DCC: variants seen among roughly 807,000 people sequenced by gnomAD.
DCC encodes the protein DCC netrin 1 receptor.
In DCC, 58 loss-of-function variants were observed where a neutral mutation model predicts 172.5. The ratio of observed to expected loss-of-function variants is 0.34; its 90% CI spans 0.27 to 0.42. The LOEUF (loss-of-function observed/expected upper bound fraction) is 0.42, where lower values mean the gene tolerates loss of function less well. DCC is among the 10% of genes least tolerant of loss of function. The pLI is 1.00. For missense variants in DCC, 1,740 were observed against 1,791.0 expected (o/e 0.97, Z 0.51); for synonymous variants, 709 against 644.5 (o/e 1.10, Z -1.52).
Position 52,932,835 on chromosome 18 carries a change from A to AAT in DCC, c.985+7465_985+7466insAT, listed in dbSNP as rs772577222. ...ATATACATATATATGCAATACATGCACTTACTCTCTATTTCTAAAGTTTCC... is the reference window on the plus strand; with the variant it reads ...ATATACATATATATGCAATACATGCAATCTTACTCTCTATTTCTAAAGTTTCC... On this transcript the variant is annotated intron_variant, in intron 5 of 28. Coordinates refer to ENST00000442544, the MANE Select transcript of DCC (RefSeq NM_005215.4). Among the ~76,000 whole-genome samples the AAT allele has an allele frequency of 2.0e-3, 310 of 152,242 alleles. 1 individual carries two copies. The highest frequency in any genetic ancestry group is 3.4e-3 in the Non-Finnish European group (229 of 67,990).
chr18:53,163,613 A>G (rs1463345952), intron 8 of DCC, among the ~76,000 whole-genome samples: 1 of 151,842 alleles, frequency 6.6e-6, no homozygotes, highest in East Asian at 1.9e-4. Context: ...TGGTGTAGAT[A>G]ATGCAAGTGC....
intron 2 of DCC, among the ~76,000 whole-genome samples, chr18:52,814,323 A>AGAATTTT (rs2038252163): frequency 6.6e-6 from 1 of 151,976 alleles, no homozygotes; most frequent in Non-Finnish European, 1.5e-5. Context: ...CAGTAGCCTG[A>AGAATTTT]CTCCTGGAGA....
At chr18:53,419,783 G>T (rs1161915853) in intron 21 of DCC, among the ~76,000 whole-genome samples, 1 of 151,948 alleles carries the variant, frequency 6.6e-6, no homozygotes, top group East Asian at 1.9e-4. Context: ...CTAGTAAGTA[G>T]AAAGGCCATA....
intron 12 of DCC, among the ~76,000 whole-genome samples, chr18:53,248,160 CCTGCTCTTGTCTT>C (rs2144652001): frequency 6.6e-6 from 1 of 152,100 alleles, no homozygotes; most frequent in Non-Finnish European, 1.5e-5. Context: ...TAACAGCCAT[CCTGCTCTTGTCTT>C]TCCTAACAGC....
intron 5 of DCC, among the ~76,000 whole-genome samples, chr18:52,984,601 T>A (rs2041263016): frequency 6.6e-6 from 1 of 152,152 alleles, no homozygotes; most frequent in South Asian, 2.1e-4. Flanking sequence ...AGCCTTCAAC[T>A]TTTATTATAT....
intron 1 of DCC, among the ~76,000 whole-genome samples, chr18:52,619,364 A>G (rs1598962262): frequency 2.6e-5 from 4 of 152,210 alleles, no homozygotes; most frequent in Non-Finnish European, 5.9e-5. Flanking sequence ...TGATTTGATC[A>G]TATTCCTTTT....
chr18:53,351,472 A>ATATATATACACAGTG lies in DCC; in HGVS notation c.2359+11573_2359+11574insCACAGTGTATATATA, dbSNP rs1568075573. ...ATATATATATACACAGTGTGTATAT[A>ATATATATACACAGTG]TATATATATATATATATAGTGTGTA... On this transcript the variant is annotated intron_variant, in intron 15 of 28. Coordinates refer to ENST00000442544, the MANE Select transcript of DCC (RefSeq NM_005215.4). 4.8e-4 allele frequency among the ~76,000 whole-genome samples: 29 copies of ATATATATACACAGTG among 59,850 alleles called. 1 individual carries two copies. The highest frequency in any genetic ancestry group is 2.1e-3 in the African/African-American group (27 of 13,142). The allele number at this position is 59,850 out of a possible 152,430, so 39.3% of individuals were successfully genotyped here.
At chr18:53,359,397 T>A (rs1386794686) in intron 15 of DCC, among the ~76,000 whole-genome samples, 2 of 152,178 alleles carry the variant, frequency 1.3e-5, no homozygotes, top group African/African-American at 4.8e-5. Context: ...TGCTTTTTTG[T>A]TTGTTTTAGC....
intron 15 of DCC, among the ~76,000 whole-genome samples, chr18:53,353,116 A>G (rs2057831843): frequency 6.6e-6 from 1 of 152,094 alleles, no homozygotes; most frequent in African/African-American, 2.4e-5. Context: ...CGTTTCTACT[A>G]AAAATACAAA....
At chr18:52,689,797 G>A (rs999890249) in intron 1 of DCC, among the ~76,000 whole-genome samples, 1 of 152,118 alleles carries the variant, frequency 6.6e-6, no homozygotes, top group African/African-American at 2.4e-5. Flanking sequence ...AATCACTTAT[G>A]TATGCATAAT....
At chr18:52,972,309 G>A (rs1468013433) in intron 5 of DCC, among the ~76,000 whole-genome samples, 5 of 152,060 alleles carry the variant, frequency 3.3e-5, no homozygotes, top group Non-Finnish European at 7.4e-5. Flanking sequence ...TGCCTTGGGT[G>A]GATTTGTGTA....
intron 1 of DCC, among the ~76,000 whole-genome samples, chr18:52,392,219 T>C (rs1180221452): frequency 6.6e-6 from 1 of 152,148 alleles, no homozygotes; most frequent in African/African-American, 2.4e-5. Flanking sequence ...AGTAATTGTC[T>C]TGAGGTTCTT....
At chr18:53,436,552 GAT>G (rs150977939) in intron 22 of DCC, among the ~76,000 whole-genome samples, 4 of 151,394 alleles carry the variant, frequency 2.6e-5, no homozygotes, top group Admixed American at 6.6e-5. Flanking sequence ...TTCCCAAGAG[GAT>G]ATATATATAT....
At chr18:52,712,446 C>T (rs2036308779) in intron 1 of DCC, among the ~76,000 whole-genome samples, 1 of 152,184 alleles carries the variant, frequency 6.6e-6, no homozygotes, top group African/African-American at 2.4e-5. Flanking sequence ...GCATTAGCTA[C>T]TCAATCTTTA....
chr18:53,414,257 C>T (rs1474630458), intron 20 of DCC, among the ~76,000 whole-genome samples: 3 of 152,234 alleles, frequency 2.0e-5, no homozygotes, highest in South Asian at 4.1e-4. Context: ...ATAAATTCTG[C>T]AGCTCTACTA....
At chr18:52,536,027 G>A (rs2032278837) in intron 1 of DCC, among the ~76,000 whole-genome samples, 1 of 152,104 alleles carries the variant, frequency 6.6e-6, no homozygotes, top group African/African-American at 2.4e-5. Context: ...AGTGGTGAAA[G>A]GTCATTTCAA....
chr18:52,826,800 C>T (rs1465830148), intron 2 of DCC, among the ~76,000 whole-genome samples: 1 of 152,146 alleles, frequency 6.6e-6, no homozygotes, highest in African/African-American at 2.4e-5. Flanking sequence ...TATCATTTTA[C>T]AGTCAGCCCT....
At chr18:53,461,125 G>A (rs1321793425) in intron 24 of DCC, among the ~76,000 whole-genome samples, 1 of 152,168 alleles carries the variant, frequency 6.6e-6, no homozygotes, top group Non-Finnish European at 1.5e-5. Context: ...TTTTGATGGG[G>A]TTGTTTGTTA....
chr18:52,431,826 C>A (rs1165131651), intron 1 of DCC, among the ~76,000 whole-genome samples: 1 of 152,076 alleles, frequency 6.6e-6, no homozygotes, highest in Non-Finnish European at 1.5e-5. Context: ...ATGTCAAGCC[C>A]CATTTGATTC....
Sources: allele counts gnomAD v4.1 joint callset (sites outside exome capture counted in the v4.1 genomes callset), GRCh38; gene constraint gnomAD v4.1.1; transcripts MANE v1.5; gene names NCBI Gene and HGNC (gene_info 2026-07-23, HGNC 2026-07-21).